The following FBXL17 variants were observed in gnomAD, a reference collection of about 807,000 sequenced individuals.
FBXL17 encodes the protein F-box and leucine rich repeat protein 17, also known as F-box/LRR-repeat protein 17.
A neutral mutation model predicts 66.2 loss-of-function variants in FBXL17; 22 were observed. That is an observed-to-expected ratio of 0.33 (90% CI 0.24 to 0.47). The LOEUF (loss-of-function observed/expected upper bound fraction) is 0.47, where lower values mean the gene tolerates loss of function less well. Ranked by LOEUF, FBXL17 falls within the 20% of genes least tolerant of loss-of-function variation. The probability of loss-of-function intolerance (pLI) is 1.00; values close to 1 mark genes in which losing one functional copy is unlikely to be tolerated. For missense variants in FBXL17, 878 were observed against 948.2 expected, an observed-to-expected ratio of 0.93 and a Z score of 0.97; for synonymous variants, 474 against 400.5, an observed-to-expected ratio of 1.18 and a Z score of -2.19.
intron 5 of FBXL17, among the ~76,000 whole-genome samples, chr5:108,205,225 G>A (rs532638381): frequency 6.6e-6 from 1 of 151,978 alleles, no homozygotes; most frequent in African/African-American, 2.4e-5. Flanking sequence ...ATATTTTCAC[G>A]ATTTTTGTTT....
chr5:107,999,435 T>C (rs1192301457), intron 7 of FBXL17, among the ~76,000 whole-genome samples: 1 of 144,972 alleles, frequency 6.9e-6, no homozygotes, highest in Non-Finnish European at 1.5e-5. Context: ...TACTTTTTTT[T>C]TTTTACTTTT....
intron 7 of FBXL17, among the ~76,000 whole-genome samples, chr5:107,963,349 CTGTG>C (rs141211295): frequency 6.6e-6 from 1 of 151,926 alleles, no homozygotes; most frequent in African/African-American, 2.4e-5. Flanking sequence ...AAACAAAACT[CTGTG>C]TGTGTGTATG....
At chr5:108,036,592 A>C (rs1467874027) in intron 6 of FBXL17, among the ~76,000 whole-genome samples, 1 of 152,136 alleles carries the variant, frequency 6.6e-6, no homozygotes, top group Non-Finnish European at 1.5e-5. Context: ...TCTCATAGTG[A>C]CCATTGCTCC....
chr5:107,929,185 T>C (rs548348738), intron 7 of FBXL17, among the ~76,000 whole-genome samples: 3 of 152,170 alleles, frequency 2.0e-5, no homozygotes, highest in South Asian at 2.1e-4. Flanking sequence ...GGGAAAGTCT[T>C]CAGAGAATAA....
intron 6 of FBXL17, among the ~76,000 whole-genome samples, chr5:108,141,962 C>T (rs181929655): frequency 4.6e-5 from 7 of 152,186 alleles, no homozygotes; most frequent in Non-Finnish European, 1.0e-4. Context: ...GAGCTCAATA[C>T]GTTTGACTCA....
intron 4 of FBXL17, among the ~76,000 whole-genome samples, chr5:108,344,988 G>T (rs531342053): frequency 7.2e-5 from 11 of 152,098 alleles, no homozygotes; most frequent in Non-Finnish European, 1.5e-4. Context: ...CATGACACCT[G>T]TCTCACTCAA....
intron 3 of FBXL17, among the ~76,000 whole-genome samples, chr5:108,356,468 A>G (rs984717555): frequency 1.3e-5 from 2 of 152,296 alleles, no homozygotes; most frequent in African/African-American, 4.8e-5. Flanking sequence ...ACTGTGGTAC[A>G]TAACAGGCAA....
chr5:108,126,631 G>GTCTGTCTCTCTCTCTCTCTCTC (rs1750708019), intron 6 of FBXL17, among the ~76,000 whole-genome samples: 4 of 112,576 alleles, frequency 3.6e-5, no homozygotes, highest in African/African-American at 9.1e-5. Context: ...CTGTCTCTCT[G>GTCTGTCTCTCTCTCTCTCTCTC]TCTCTCTCTC....
intron 4 of FBXL17, among the ~76,000 whole-genome samples, chr5:108,237,638 A>C (rs2150095185): frequency 6.6e-6 from 1 of 152,292 alleles, no homozygotes; most frequent in East Asian, 1.9e-4. Flanking sequence ...CTTTAAGTGC[A>C]GGGTAATAAA....
chr5:108,336,670 C>T (rs567965615), intron 4 of FBXL17, among the ~76,000 whole-genome samples: 1 of 151,950 alleles, frequency 6.6e-6, no homozygotes, highest in African/African-American at 2.4e-5. Flanking sequence ...GTTTCAAAAT[C>T]CACTTTTAAG....
intron 8 of FBXL17, 40 bp from the exon 9 acceptor site, chr5:107,861,900 C>T: frequency 2.1e-6 from 3 of 1,442,918 alleles, no homozygotes; most frequent in Non-Finnish European, 2.8e-6. Flanking sequence ...ACAGAGACCA[C>T]CAACACCACG....
intron 1 of FBXL17, among the ~76,000 whole-genome samples, chr5:108,376,689 T>C (rs1374659448): frequency 6.6e-6 from 1 of 152,220 alleles, no homozygotes; most frequent in Non-Finnish European, 1.5e-5. Context: ...CTGCTTTCTT[T>C]TTCCCTCAGC....
Position 108,174,816 on chromosome 5 carries a change from T to C in FBXL17, c.1745+11301A>G, listed in dbSNP as rs926287472. On this transcript the variant is annotated intron_variant, in intron 6 of 8. Coordinates refer to ENST00000542267, the MANE Select transcript of FBXL17 (RefSeq NM_001163315.3). ...TCTTTTCAATTAACACAGGTATAAA[T>C]GGAAGGCAGGCAAAGTTTCTGGTTC... is the stretch of plus-strand genomic sequence containing the variant. 6.8e-5 allele frequency among the ~76,000 whole-genome samples: 10 copies of C among 147,962 alleles called. No individual in the cohort carries two copies. In the South Asian group the frequency reaches 2.1e-3, roughly 32 times the overall value.
intron 4 of FBXL17, among the ~76,000 whole-genome samples, chr5:108,269,779 C>CA (rs1228381370): frequency 3.3e-5 from 5 of 151,950 alleles, no homozygotes; most frequent in Admixed American, 6.6e-5. Context: ...AGTGCCACCA[C>CA]AAAAAAGCTA....
intron 7 of FBXL17, among the ~76,000 whole-genome samples, chr5:107,966,246 CCTGA>C (rs1752132728): frequency 6.6e-6 from 1 of 152,032 alleles, no homozygotes; most frequent in African/African-American, 2.4e-5. Flanking sequence ...AGGGATAAGC[CCTGA>C]CTATCTGTAT....
At chr5:108,126,308 T>A (rs1212164017) in intron 6 of FBXL17, among the ~76,000 whole-genome samples, 1 of 152,156 alleles carries the variant, frequency 6.6e-6, no homozygotes, top group South Asian at 2.1e-4. Context: ...ATTTTGGAGG[T>A]CTTGTAGGTG....
intron 6 of FBXL17, among the ~76,000 whole-genome samples, chr5:108,092,213 C>T (rs1169998571): frequency 3.9e-5 from 6 of 152,016 alleles, no homozygotes; most frequent in African/African-American, 7.2e-5. Flanking sequence ...CTTTTTCAAA[C>T]GACCCTTAGC....
At chr5:108,243,292 T>C (rs1162577317) in intron 4 of FBXL17, among the ~76,000 whole-genome samples, 1 of 152,222 alleles carries the variant, frequency 6.6e-6, no homozygotes, top group African/African-American at 2.4e-5. Context: ...TGACTAATAT[T>C]GCTTTTATTT....
At chr5:108,213,387 C>T (rs1407790960) in intron 5 of FBXL17, among the ~76,000 whole-genome samples, 5 of 152,174 alleles carry the variant, frequency 3.3e-5, no homozygotes, top group South Asian at 4.1e-4. Context: ...CCCAAATGGC[C>T]GCCCAGTTTT....
Sources: gnomAD v4.1 joint callset for allele counts (sites outside exome capture counted in the v4.1 genomes callset) on GRCh38, gnomAD v4.1.1 for gene constraint, MANE v1.5 for transcripts, NCBI Gene and HGNC (gene_info 2026-07-23, HGNC 2026-07-21) for gene names.